Variants in DENND5B observed in about 807,000 individuals in gnomAD.
DENND5B encodes the protein DENN domain-containing protein 5B.
In DENND5B, 34 loss-of-function variants were observed where a neutral mutation model predicts 140.6. That is an observed-to-expected ratio of 0.24 (90% CI 0.18 to 0.32). The LOEUF is 0.32. Ranked by LOEUF, DENND5B falls within the 10% of genes least tolerant of loss-of-function variation. The pLI is 1.00. For synonymous variants in DENND5B, 551 were observed against 562.1 expected, an observed-to-expected ratio of 0.98 and a Z score of 0.28; for missense variants, 1,142 against 1,560.2, an observed-to-expected ratio of 0.73 and a Z score of 4.52.
At chr12:31,423,571 C>T (rs1016301687) in intron 11 of DENND5B, 26 bp downstream of exon 11, 3 of 1,611,464 alleles carry the variant, frequency 1.9e-6, no homozygotes, top group Non-Finnish European at 2.5e-6. Flanking sequence ...TCCAGTGCTG[C>T]TAGTTCTTTA....
intron 3 of DENND5B, among the ~76,000 whole-genome samples, chr12:31,473,853 G>A (rs543484517): frequency 6.6e-5 from 10 of 152,322 alleles, no homozygotes; most frequent in African/African-American, 2.2e-4. Context: ...AGGAATGCAA[G>A]GAAGAGATTC....
intron 14 of DENND5B, among the ~76,000 whole-genome samples, chr12:31,405,558 G>GT (rs1555136315): frequency 6.7e-6 from 1 of 148,696 alleles, no homozygotes; most frequent in Non-Finnish European, 1.5e-5. Context: ...ATGTATGTAT[G>GT]TATTTTTGAG....
At chr12:31,465,438 G>C (rs1351954675) in intron 3 of DENND5B, 1 of 152,522 alleles carries the variant, frequency 6.6e-6, no homozygotes, top group African/African-American at 2.4e-5. Flanking sequence ...CATGAACTTG[G>C]CTCACTGCAA....
intron 15 of DENND5B, among the ~76,000 whole-genome samples, chr12:31,401,699 T>C (rs1463427170): frequency 6.6e-6 from 1 of 152,172 alleles, no homozygotes; most frequent in Non-Finnish European, 1.5e-5. Flanking sequence ...GGCACAATCC[T>C]GGCTCACTGC....
At chr12:31,436,111 CT>C (rs144152490) in intron 7 of DENND5B, among the ~76,000 whole-genome samples, 1,727 of 144,292 alleles carry the variant, frequency 0.012, 19 homozygotes, top group East Asian at 0.033. Flanking sequence ...AGCCCCCCCA[CT>C]TTTTTTTTTT....
chr12:31,413,258 A>G (rs548487392), intron 13 of DENND5B, among the ~76,000 whole-genome samples, 178 bp downstream of exon 13: 11 of 152,302 alleles, frequency 7.2e-5, no homozygotes, highest in African/African-American at 2.6e-4. Context: ...TGTCCCCCCA[A>G]AACGATCAAG....
intron 5 of DENND5B, among the ~76,000 whole-genome samples, chr12:31,451,513 C>T (rs200922857): frequency 1.5e-4 from 23 of 152,048 alleles, no homozygotes; most frequent in South Asian, 8.3e-4. Context: ...TTCGTAGAGA[C>T]GGGGTTTCAC....
At chr12:31,587,570 C>CA (rs1325289581) in intron 1 of DENND5B, among the ~76,000 whole-genome samples, 3 of 108,840 alleles carry the variant, frequency 2.8e-5, no homozygotes, top group Non-Finnish European at 5.5e-5. Context: ...TTTTTTGAGA[C>CA]AGAGTCTCCC....
chr12:31,579,539 T>C (rs1255965187), intron 1 of DENND5B, among the ~76,000 whole-genome samples: 1 of 152,118 alleles, frequency 6.6e-6, no homozygotes, highest in Non-Finnish European at 1.5e-5. Context: ...CGAGTGCCTG[T>C]AGTCCCAGCT....
rs548626142 is a variant in DENND5B, at chr12:31,523,394, T to C, written c.128-27475A>G. Among the ~76,000 whole-genome samples, 101 of 152,234 alleles carry C rather than the reference T, an allele frequency of 6.6e-4. 1 individual carries two copies. The highest frequency in any genetic ancestry group is 1.4e-3 in the Admixed American group (22 of 15,294). On this transcript the variant is annotated intron_variant, in intron 1 of 20. Transcript: ENST00000389082. ...TGCAATTCTGGAAGATTTAGGGGGC[T>C]GGCAGGAGACAAGACTGAGATTGTT...
chr12:31,495,020 A>G (rs941873238), intron 2 of DENND5B, among the ~76,000 whole-genome samples: 32 of 152,344 alleles, frequency 2.1e-4, no homozygotes, highest in African/African-American at 7.0e-4. Context: ...ATCCACCGGT[A>G]ACAATAATAC....
chr12:31,511,199 A>G (rs1420840834), intron 1 of DENND5B, among the ~76,000 whole-genome samples: 1 of 152,166 alleles, frequency 6.6e-6, no homozygotes, highest in Non-Finnish European at 1.5e-5. Flanking sequence ...TGACTGCACC[A>G]CTGTACTCCA....
intron 14 of DENND5B, among the ~76,000 whole-genome samples, chr12:31,404,016 T>C (rs576836158): frequency 1.3e-5 from 2 of 148,272 alleles, no homozygotes; most frequent in South Asian, 4.3e-4. Context: ...CGCTCAGGAG[T>C]TCATGACCAG....
intron 1 of DENND5B, among the ~76,000 whole-genome samples, chr12:31,558,673 C>T (rs1167337666): frequency 1.3e-5 from 2 of 152,180 alleles, no homozygotes; most frequent in Non-Finnish European, 1.5e-5. Context: ...ACACTTTACA[C>T]AACACTGAAT....
intron 1 of DENND5B, among the ~76,000 whole-genome samples, chr12:31,559,295 A>G (rs1456685199): frequency 6.6e-6 from 1 of 152,232 alleles, no homozygotes; most frequent in Non-Finnish European, 1.5e-5. Context: ...AACTGGAAAC[A>G]CAGAATAAAA....
Position 31,533,717 on chromosome 12 carries a change from T to G in DENND5B, c.128-37798A>C, listed in dbSNP as rs552090355. On this transcript the variant is annotated intron_variant, in intron 1 of 20. Coordinates refer to ENST00000389082, the MANE Select transcript of DENND5B (RefSeq NM_144973.4). The stretch of plus-strand genomic sequence containing the variant: ...TGCATGTCTAAAAGGTCATACTGAT[T>G]CACCATTAGAATAAAGATCACATGT... Among the ~76,000 whole-genome samples the G allele has an allele frequency of 4.6e-5, 7 of 152,314 alleles. No homozygotes were observed. The South Asian group carries it at 1.4e-3, about 32-fold the overall frequency.
At chr12:31,417,137 A>G (rs1208455344) in intron 11 of DENND5B, among the ~76,000 whole-genome samples, 1 of 150,646 alleles carries the variant, frequency 6.6e-6, no homozygotes, top group African/African-American at 2.4e-5. Flanking sequence ...CGGGCGGATC[A>G]TGAGGTCAGG....
rs529773470 is a variant in DENND5B, at chr12:31,387,007, A to C, written c.*596T>G. 11 of 152,254 alleles carry C rather than the reference A, an allele frequency of 7.2e-5. No homozygotes were observed. The highest frequency in any genetic ancestry group is 2.6e-4 in the African/African-American group (11 of 41,530). The allele number at this position is 152,254 out of a possible 1,614,324, so 9.4% of individuals were successfully genotyped here. A position where few individuals can be genotyped will look rare whatever the true frequency, so the allele number is the denominator to read the frequency against. On this transcript the variant is annotated 3_prime_UTR_variant, in exon 21 of 21. Transcript: ENST00000389082. ...AATTATATCATCTTGTGCGGACTGA[A>C]ATTTTTTTCCAAAAGACTGGAAAAG... is the stretch of plus-strand genomic sequence containing the variant.
intron 14 of DENND5B, 142 bp from the exon 15 acceptor site, chr12:31,402,785 G>T: frequency 2.0e-6 from 2 of 1,012,976 alleles, no homozygotes; most frequent in Non-Finnish European, 2.7e-6. Context: ...GAAAAGTTGA[G>T]ATCATAACCT....
Sources: allele counts gnomAD v4.1 joint callset (sites outside exome capture counted in the v4.1 genomes callset), GRCh38; gene constraint gnomAD v4.1.1; transcripts MANE v1.5; gene names NCBI Gene and HGNC (gene_info 2026-07-23, HGNC 2026-07-21).